The following C15orf61 variants were observed in gnomAD, a reference collection of about 807,000 sequenced individuals.
The protein encoded by C15orf61 is uncharacterized protein C15orf61.
Under a neutral mutation model 13.7 loss-of-function variants are expected in C15orf61, and 12 were observed. The observed-to-expected ratio is 0.88, with a 90% CI of 0.56 to 1.42. The LOEUF (loss-of-function observed/expected upper bound fraction) is 1.42. C15orf61 is among the 40% of genes most tolerant of loss of function. C15orf61 has a pLI of 0.00. For missense variants in C15orf61, 248 were observed against 213.2 expected (o/e 1.16, Z -1.02); for synonymous variants, 92 against 94.1 (o/e 0.98, Z 0.13).
Position 67,527,500 on chromosome 15 carries a change from A to T in C15orf61, c.*955A>T, listed in dbSNP as rs1317600307. The T allele has an allele frequency of 2.6e-5, 4 of 152,200 alleles. No individual in the cohort carries two copies. In the South Asian group the frequency reaches 8.3e-4, roughly 32 times the overall value. 9.4% of individuals were successfully genotyped at this position (152,200 alleles called of 1,614,324 possible). On this transcript the variant is annotated 3_prime_UTR_variant, in exon 2 of 2. Coordinates refer to ENST00000342683, the MANE Select transcript of C15orf61 (RefSeq NM_001143936.2). ...TGGTAAATTTCAGACATTTGGAGTAATTTAGGGAGAACTAAGTAGAACTAT... is the reference window on the plus strand; with the variant it reads ...TGGTAAATTTCAGACATTTGGAGTATTTTAGGGAGAACTAAGTAGAACTAT...
At chr15:67,522,053 A>G (rs1299320748) in intron 1 of C15orf61, 7 of 700,714 alleles carry the variant, frequency 1.0e-5, no homozygotes, top group Non-Finnish European at 1.6e-5. Flanking sequence ...TTTTCTTTGT[A>G]TGAATTCCCG....
In C15orf61 at chr15:67,529,423, A is replaced by G. The variant is rs946601733; in HGVS notation, c.*2878A>G. On this transcript the variant is annotated 3_prime_UTR_variant, in exon 2 of 2. Transcript: ENST00000342683. This position sits in a 1 kb window ranked among gnomAD's most constrained non-coding sequence, Gnocchi z 4.4. The stretch of plus-strand genomic sequence containing the variant: ...TTTTTCTAACGTTGACTTCCGTAAA[A>G]ATTCAAACTTTTCTTTTTGAGAAGG... 1 of 152,186 alleles carries G rather than the reference A, an allele frequency of 6.6e-6. No homozygotes were observed. The highest frequency in any genetic ancestry group is 2.4e-5 in the African/African-American group (1 of 41,436). 9.4% of individuals were successfully genotyped at this position (152,186 alleles called of 1,614,324 possible). A position where few individuals can be genotyped will look rare whatever the true frequency, so the allele number is the denominator to read the frequency against.
chr15:67,524,841 T>TG (rs2084189501), intron 1 of C15orf61, among the ~76,000 whole-genome samples: 1 of 147,604 alleles, frequency 6.8e-6, no homozygotes, highest in Non-Finnish European at 1.5e-5. Context: ...TTGTTTGTTT[T>TG]TTTTTTTTTT....
chr15:67,526,160 G>T (rs577758330), intron 1 of C15orf61, among the ~76,000 whole-genome samples: 1 of 152,256 alleles, frequency 6.6e-6, no homozygotes, highest in East Asian at 1.9e-4. Context: ...TTATTTGAGG[G>T]TAATGAATTT....
At position 67,521,256 on chromosome 15, in the gene C15orf61, C is replaced by T. The variant is rs1048440313; in HGVS notation, c.8C>T (p.Ala3Val). Residue 3 changes from alanine to valine, a missense_variant, in exon 1 of 2, where the codon GCC becomes GTC. Physicochemically the swap from Ala to Val is moderately conservative, Grantham distance 64 (BLOSUM62 0). Coordinates refer to ENST00000342683, the MANE Select transcript of C15orf61 (RefSeq NM_001143936.2). Reference sequence around the variant, plus strand: ...TCCCCGGCGCGGCGGGCCATGGAGGCCCTGAGGAGGGCCCACGAGGTCGCG... The same window carrying T: ...TCCCCGGCGCGGCGGGCCATGGAGGTCCTGAGGAGGGCCCACGAGGTCGCG... ME[A>V]LRRAHEVALR... The T allele has an allele frequency of 5.4e-4, 734 of 1,369,840 alleles. 4 individuals carry two copies. Among genetic ancestry groups the T allele is most frequent in the Non-Finnish European group, 5.3e-4 (568 of 1,062,398 alleles). 84.9% of individuals were successfully genotyped at this position (1,369,840 alleles called of 1,614,324 possible). A position where few individuals can be genotyped will look rare whatever the true frequency, so the allele number is the denominator to read the frequency against.
intron 1 of C15orf61, chr15:67,522,038 T>G: frequency 1.4e-6 from 1 of 700,254 alleles, no homozygotes; most frequent in Non-Finnish European, 2.6e-6. Context: ...TTTAAGTTTC[T>G]TTTGTTTTCT....
chr15:67,521,788 C>G, intron 1 of C15orf61, 194 bp downstream of exon 1: 1 of 660,640 alleles, frequency 1.5e-6, no homozygotes, highest in South Asian at 2.0e-5. Context: ...GCTCCTGGCA[C>G]CCGAAGCCGT....
At chr15:67,522,072 G>A (rs1315525930) in intron 1 of C15orf61, 2 of 701,106 alleles carry the variant, frequency 2.9e-6, no homozygotes, top group East Asian at 5.4e-5. Context: ...CGGCAAGTTC[G>A]TTTTACTAAA....
At chr15:67,522,250 C>CATGG (rs1187871100) in intron 1 of C15orf61, 1 of 700,534 alleles carries the variant, frequency 1.4e-6, no homozygotes, top group Admixed American at 2.0e-5. Flanking sequence ...GAGGTACGAA[C>CATGG]ATGGACATGG....
rs531286492 is a variant in C15orf61 at position 67,525,935 on chromosome 15, A to T, written c.347-483A>T. 6.6e-6 allele frequency among the ~76,000 whole-genome samples: 1 copy of T among 152,150 alleles called. No individual in the cohort carries two copies. Among genetic ancestry groups the T allele is most frequent in the South Asian group, 2.1e-4 (1 of 4,808 alleles). On this transcript the variant is annotated intron_variant, in intron 1 of 1. Coordinates refer to ENST00000342683, the MANE Select transcript of C15orf61 (RefSeq NM_001143936.2). This position sits in a 1 kb window ranked among gnomAD's most constrained non-coding sequence, Gnocchi z 4.9. ...AGGCTGAGGCAGGAGAATCGCTTGAACCCAGGAGGCGGAGGTGGCAGCGAG... is the reference window on the plus strand; with the variant it reads ...AGGCTGAGGCAGGAGAATCGCTTGATCCCAGGAGGCGGAGGTGGCAGCGAG...
chr15:67,523,374 A>AT (rs902392328), intron 1 of C15orf61, among the ~76,000 whole-genome samples: 1 of 152,060 alleles, frequency 6.6e-6, no homozygotes, highest in African/African-American at 2.4e-5. Flanking sequence ...TATACTTAGG[A>AT]TTTTGTTCCT....
Position 67,529,120 on chromosome 15 carries a change from T to A in C15orf61, c.*2575T>A, listed in dbSNP as rs1201748006. 6.6e-6 allele frequency: 1 copy of A among 152,218 alleles called. No homozygotes were observed. Among genetic ancestry groups the A allele is most frequent in the African/African-American group, 2.4e-5 (1 of 41,464 alleles). The allele number at this position is 152,218 out of a possible 1,614,324, so 9.4% of individuals were successfully genotyped here. A position where few individuals can be genotyped will look rare whatever the true frequency, so the allele number is the denominator to read the frequency against. On this transcript the variant is annotated 3_prime_UTR_variant, in exon 2 of 2. Transcript: ENST00000342683. This position sits in a 1 kb window ranked among gnomAD's most constrained non-coding sequence, Gnocchi z 4.4. ...TATCTTTAATCCAACCAAAACTGTT[T>A]TAATAAAGGTGTACTTTTAGTACAA...
chr15:67,521,682 G>A (rs2084164394), intron 1 of C15orf61, 88 bp downstream of exon 1: 20 of 1,275,134 alleles, frequency 1.6e-5, no homozygotes, highest in Non-Finnish European at 2.1e-5. Flanking sequence ...ACGCTCGCAG[G>A]CCGGTAGAGT....
intron 1 of C15orf61, chr15:67,522,105 CAT>C: frequency 1.4e-6 from 1 of 701,810 alleles, no homozygotes; most frequent in East Asian, 2.7e-5. Context: ...TTTCACCAGA[CAT>C]AACAGCTTCC....
rs2084206333 is a variant in C15orf61, at chr15:67,527,644, G to A, written c.*1099G>A. On this transcript the variant is annotated 3_prime_UTR_variant, in exon 2 of 2. Coordinates refer to ENST00000342683, the MANE Select transcript of C15orf61 (RefSeq NM_001143936.2). ...TACTCTGCAACACTTACACATTTTT[G>A]TAGCAAAACATTTTATAAAATTCAA... The A allele has an allele frequency of 6.6e-6, 1 of 152,034 alleles. No individual in the cohort carries two copies. The allele number at this position is 152,034 out of a possible 1,614,324, so 9.4% of individuals were successfully genotyped here.
Position 67,529,358 on chromosome 15 carries a change from G to A in C15orf61, c.*2813G>A, listed in dbSNP as rs1314146623. ...TGATGTCCTAAAATGCCAAATTGTA[G>A]AAACAGTTATAGTTTACCACACATT... is the stretch of plus-strand genomic sequence containing the variant. On this transcript the variant is annotated 3_prime_UTR_variant, in exon 2 of 2. Transcript: ENST00000342683. This position sits in a 1 kb window ranked among gnomAD's most constrained non-coding sequence, Gnocchi z 4.4. 6.6e-6 allele frequency: 1 copy of A among 152,156 alleles called. No individual in the cohort carries two copies. Among genetic ancestry groups the A allele is most frequent in the Non-Finnish European group, 1.5e-5 (1 of 68,028 alleles). The allele number at this position is 152,156 out of a possible 1,614,324, so 9.4% of individuals were successfully genotyped here.
At chr15:67,526,066 A>C (rs2084196896) in intron 1 of C15orf61, among the ~76,000 whole-genome samples, 1 of 152,230 alleles carries the variant, frequency 6.6e-6, no homozygotes, top group South Asian at 2.1e-4. Context: ...CTCAAGGCTA[A>C]TAATCAGGAG....
rs147634823 is a variant in C15orf61, at chr15:67,526,276, G to T, written c.347-142G>T. 6.3e-3 allele frequency: 3,522 copies of T among 561,792 alleles called. 104 individuals carry two copies. The Admixed American group carries it at 0.07, about 11-fold the overall frequency. The allele number at this position is 561,792 out of a possible 1,614,324, so 34.8% of individuals were successfully genotyped here. A position where few individuals can be genotyped will look rare whatever the true frequency, so the allele number is the denominator to read the frequency against. ...CCACGTTGATGAAATTGAGCTCTTA[G>T]ATAATCAGAGTCAATGTTGATTAAT... On this transcript the variant is annotated intron_variant, in intron 1 of 1. Coordinates refer to ENST00000342683, the MANE Select transcript of C15orf61 (RefSeq NM_001143936.2).
At chr15:67,522,367 A>G (rs2140926886) in intron 1 of C15orf61, 1 of 640,476 alleles carries the variant, frequency 1.6e-6, no homozygotes, top group East Asian at 2.7e-5. Context: ...AAATCTAGCC[A>G]TGGAGCTGAA....
Sources: gnomAD v4.1 joint callset for allele counts (sites outside exome capture counted in the v4.1 genomes callset) on GRCh38, gnomAD v4.1.1 for gene constraint, Gnocchi (gnomAD v3.1) non-coding constraint, MANE v1.5 for transcripts, NCBI Gene and HGNC (gene_info 2026-07-23, HGNC 2026-07-21) for gene names.